Variants in USF3 observed in about 807,000 individuals in gnomAD.
USF3 encodes upstream transcription factor family member 3.
Under a neutral mutation model 157.5 loss-of-function variants are expected in USF3, and 29 were observed. The ratio of observed to expected loss-of-function variants is 0.18; its 90% confidence interval spans 0.14 to 0.25. The LOEUF is 0.25. Ranked by LOEUF, USF3 falls within the 10% of genes least tolerant of loss-of-function variation. The pLI, the probability that USF3 is intolerant of heterozygous loss-of-function variation, is 1.00. For synonymous variants in USF3, 893 were observed against 941.4 expected (o/e 0.95, Z 0.94); for missense variants, 2,381 against 2,667.6 (o/e 0.89, Z 2.37).
At position 113,655,174 on chromosome 3, in the gene USF3, G is replaced by A; in HGVS notation, c.6508C>T (p.Pro2170Ser). ...ATTGGTGGCATATCTGGGAGAAGAG[G>A]AAAACTTGGTTGAGCAAACCCAACA... ...RPVGFAQPSF[P>S]LLPDMPPMHM... The change falls in exon 7 of 7, where the codon CCT becomes TCT. Residue 2170 changes from proline (P) to serine (S), a missense_variant. Physicochemically the swap from Pro to Ser is moderately conservative, Grantham distance 74. Around this residue, in one of 6 missense-constraint regions of USF3, gnomAD observed 770 missense variants for 824.2 expected, o/e 0.93. Transcript: ENST00000316407. The A allele has an allele frequency of 3.1e-6, 5 of 1,614,212 alleles. No individual in the cohort carries two copies. Among genetic ancestry groups the A allele is most frequent in the Non-Finnish European group, 4.2e-6 (5 of 1,180,018 alleles).
At position 113,660,797 on chromosome 3, in the gene USF3, T is replaced by C. The variant is rs758206423; in HGVS notation, c.885A>G (p.Lys295=). 6.2e-7 allele frequency: 1 copy of C among 1,614,198 alleles called. No homozygotes were observed. The highest frequency in any genetic ancestry group is 2.2e-5 in the East Asian group (1 of 44,888). The change falls in exon 7 of 7, where the codon AAA becomes AAG. Residue 295 remains lysine, a synonymous_variant. Coordinates refer to ENST00000316407, the MANE Select transcript of USF3 (RefSeq NM_001009899.4). ...NGQENPKVLK[K]MTPCVTNIPH... ...GGATGTTTGTAACACAAGGGGTCAT[T>C]TTCTTCAATACTTTGGGGTTCTCTT...
chr3:113,678,581 A>G (rs2107947875), intron 1 of USF3, among the ~76,000 whole-genome samples: 1 of 152,246 alleles, frequency 6.6e-6, no homozygotes, highest in East Asian at 1.9e-4. Flanking sequence ...TGCATTCCTG[A>G]TGCTAAAAAA....
In USF3 at chr3:113,663,093, G is replaced by GA. The variant is rs1947511576; in HGVS notation, c.256+1219dup. On this transcript the variant is annotated intron_variant, in intron 6 of 6. Transcript: ENST00000316407. Reference sequence around the variant, plus strand: ...GAGCATATGGAAGAAGCCACTGAGAGAAAAAAAGAGGATAGAGCAGATGCA... The same window carrying GA: ...GAGCATATGGAAGAAGCCACTGAGAGAAAAAAAAGAGGATAGAGCAGATGCA... Among the ~76,000 whole-genome samples, 3 of 150,100 alleles carry GA rather than the reference G, an allele frequency of 2.0e-5. No homozygotes were observed. In the South Asian group the frequency reaches 6.5e-4, roughly 32 times the overall value.
At chr3:113,668,006 A>T (rs887351401) in intron 5 of USF3, among the ~76,000 whole-genome samples, 7 of 152,174 alleles carry the variant, frequency 4.6e-5, no homozygotes, top group Non-Finnish European at 1.0e-4. Flanking sequence ...TGCTCCTTTG[A>T]CATACTGGGA....
At chr3:113,665,914 GT>G (rs1947558189) in intron 5 of USF3, among the ~76,000 whole-genome samples, 1 of 152,084 alleles carries the variant, frequency 6.6e-6, no homozygotes, top group African/African-American at 2.4e-5. Flanking sequence ...GCCGGGTACG[GT>G]GGCTCATGCC....
rs1212240986 is a variant in USF3, at chr3:113,649,893, CA to C, written c.*5050del. ...AATGCAGACAGAATATAGTTAAATC[CA>C]AAAAAGGCCCTTTTCTTTCAAACCC... On this transcript the variant is annotated 3_prime_UTR_variant, in exon 7 of 7. Transcript: ENST00000316407. 2.9e-6 allele frequency: 2 copies of C among 697,620 alleles called. No individual in the cohort carries two copies. Among genetic ancestry groups the C allele is most frequent in the Admixed American group, 2.0e-5 (1 of 49,100 alleles). The allele number at this position is 697,620 out of a possible 1,614,324, so 43.2% of individuals were successfully genotyped here.
rs1376327865 is a variant in USF3, at chr3:113,656,496, A to G, written c.5186T>C (p.Ile1729Thr). The G allele has an allele frequency of 3.1e-6, 5 of 1,614,116 alleles. No homozygotes were observed. The highest frequency in any genetic ancestry group is 1.3e-5 in the African/African-American group (1 of 74,932). ...GRVDHTVASDIRLSDCQTFKP... is the reference protein window; with the variant it reads ...GRVDHTVASDTRLSDCQTFKP... ...AAACGTCTGACAATCAGAAAGGCGGATATCTGAGGCCACAGTATGGTCCAC... is the reference window on the plus strand; with the variant it reads ...AAACGTCTGACAATCAGAAAGGCGGGTATCTGAGGCCACAGTATGGTCCAC... Residue 1729 changes from isoleucine (I) to threonine (T), a missense_variant, in exon 7 of 7, where the codon ATC becomes ACC. By Grantham distance (89) the Ile-to-Thr change is moderately conservative (BLOSUM62 -1). Coordinates refer to ENST00000316407, the MANE Select transcript of USF3 (RefSeq NM_001009899.4).
intron 1 of USF3, among the ~76,000 whole-genome samples, chr3:113,681,724 A>ATT (rs1204782097): frequency 4.7e-4 from 67 of 143,994 alleles, no homozygotes; most frequent in African/African-American, 1.7e-3. Flanking sequence ...TAAAAAAAAA[A>ATT]TTTTTTTTTT....
chr3:113,663,908 C>T (rs947994774), intron 6 of USF3, among the ~76,000 whole-genome samples: 1 of 152,140 alleles, frequency 6.6e-6, no homozygotes. Context: ...TTTGCTAATG[C>T]ATAGTTAAAT....
chr3:113,682,316 CCCTGT>C (rs1402882364), intron 1 of USF3, among the ~76,000 whole-genome samples: 1 of 151,698 alleles, frequency 6.6e-6, no homozygotes, highest in Non-Finnish European at 1.5e-5. Context: ...CAGAGTGAGA[CCCTGT>C]CTTGCAAACA....
intron 1 of USF3, among the ~76,000 whole-genome samples, chr3:113,693,456 G>C (rs1356510879): frequency 6.6e-6 from 1 of 152,054 alleles, no homozygotes; most frequent in Non-Finnish European, 1.5e-5. Flanking sequence ...ATGAAATTAA[G>C]AAAAGATATG....
At chr3:113,690,998 G>C (rs1189560743) in intron 1 of USF3, among the ~76,000 whole-genome samples, 1 of 151,946 alleles carries the variant, frequency 6.6e-6, no homozygotes, top group Non-Finnish European at 1.5e-5. Flanking sequence ...GACCAGCCTG[G>C]GAAACAAGGC....
At chr3:113,690,854 T>C (rs1401343143) in intron 1 of USF3, among the ~76,000 whole-genome samples, 2 of 152,190 alleles carry the variant, frequency 1.3e-5, no homozygotes, top group Non-Finnish European at 2.9e-5. Flanking sequence ...TCATATATTA[T>C]TAATCCCTCC....
Position 113,656,044 on chromosome 3 carries a change from C to G in USF3, c.5638G>C (p.Asp1880His). 3 of 1,614,196 alleles carry G rather than the reference C, an allele frequency of 1.9e-6. No homozygotes were observed. The highest frequency in any genetic ancestry group is 2.5e-6 in the Non-Finnish European group (3 of 1,180,030). The change falls in exon 7 of 7, where the codon GAC becomes CAC. Residue 1880 changes from aspartate (D) to histidine (H), a missense_variant. Asp to His is a moderately conservative substitution (Grantham distance 81). Coordinates refer to ENST00000316407, the MANE Select transcript of USF3 (RefSeq NM_001009899.4). ...GTGTTAATTGCACCTAACGACATGT[C>G]ACAACTTTCCCTATTCTGACTCTCA... ...ESESQNRESCDMSLGAINTRN... is the reference protein window; with the variant it reads ...ESESQNRESCHMSLGAINTRN...
chr3:113,680,303 G>A (rs1707383001), intron 1 of USF3, among the ~76,000 whole-genome samples: 1 of 151,706 alleles, frequency 6.6e-6, no homozygotes, highest in South Asian at 2.1e-4. Flanking sequence ...TTAGGTTTTG[G>A]ACTTCTTCAT....
rs190219116 is a variant in USF3 at position 113,658,759 on chromosome 3, C to T, written c.2923G>A (p.Glu975Lys). ...TSTTSTDCVS[E>K]VEIIAEPCRV... is the part of the protein sequence containing the mutation. ...CAAGGTTCAGCAATGATTTCTACCT[C>T]AGAAACACAGTCAGTACTTGTAGTG... is the stretch of plus-strand genomic sequence containing the variant. The change falls in exon 7 of 7, where the codon GAG becomes AAG. Residue 975 changes from glutamate (E) to lysine (K), a missense_variant. Transcript: ENST00000316407. 3 of 1,614,068 alleles carry T rather than the reference C, an allele frequency of 1.9e-6. No individual in the cohort carries two copies. Among genetic ancestry groups the T allele is most frequent in the East Asian group, 4.5e-5 (2 of 44,884 alleles).
Position 113,677,334 on chromosome 3 carries a change from C to T in USF3, c.-71G>A, listed in dbSNP as rs1286444800. ...TTGATTCCTGGCTTCCAATGCCTCC[C>T]GTTTCTGATCCAAATGTATCATCTT... On this transcript the variant is annotated 5_prime_UTR_variant, in exon 2 of 7. Transcript: ENST00000316407. The T allele has an allele frequency of 6.6e-6, 1 of 152,124 alleles. No individual in the cohort carries two copies. Among genetic ancestry groups the T allele is most frequent in the Non-Finnish European group, 1.5e-5 (1 of 68,038 alleles). 9.4% of individuals were successfully genotyped at this position (152,124 alleles called of 1,614,324 possible).
chr3:113,684,593 G>A (rs932089439), intron 1 of USF3, among the ~76,000 whole-genome samples: 4 of 151,690 alleles, frequency 2.6e-5, no homozygotes, highest in Admixed American at 6.6e-5. Flanking sequence ...CTTCAAGCTC[G>A]CTCATTCTTT....
intron 5 of USF3, among the ~76,000 whole-genome samples, chr3:113,667,471 GT>G (rs1307399244): frequency 1.3e-5 from 2 of 152,206 alleles, no homozygotes; most frequent in Non-Finnish European, 2.9e-5. Flanking sequence ...TGTTTACTGA[GT>G]AGCTACCTAG....
Sources: allele counts gnomAD v4.1 joint callset (sites outside exome capture counted in the v4.1 genomes callset), GRCh38; gene constraint gnomAD v4.1.1; regional missense constraint gnomAD v4.1.1; transcripts MANE v1.5; gene names NCBI Gene and HGNC (gene_info 2026-07-23, HGNC 2026-07-21).